Variants in AKR1C8 observed in about 807,000 individuals in gnomAD.
AKR1C8 encodes the protein aldo-keto reductase family 1 member C8, also known as aldo-keto reductase family 1 member C-like protein 1.
the AKR1C8 span, among the ~76,000 whole-genome samples, chr10:5,139,400 ATAC>A: frequency 2.6e-5 from 4 of 152,240 alleles, no homozygotes; most frequent in African/African-American, 9.6e-5. Flanking sequence ...ACTTCAAACT[ATAC>A]TACAAGGCTA....
chr10:5,128,323 A>G, the AKR1C8 span, among the ~76,000 whole-genome samples: 4 of 152,168 alleles, frequency 2.6e-5, no homozygotes, highest in African/African-American at 9.6e-5. Context: ...ACCACAATGG[A>G]ACCTCCTGAA....
At chr10:5,149,987 CAG>C in the AKR1C8 span, among the ~76,000 whole-genome samples, 4 of 152,128 alleles carry the variant, frequency 2.6e-5, no homozygotes, top group African/African-American at 4.8e-5. Context: ...AAAAACAAAA[CAG>C]AAAGAATCAG....
the AKR1C8 span, among the ~76,000 whole-genome samples, chr10:5,173,631 C>T: frequency 7.1e-6 from 1 of 140,806 alleles, no homozygotes; most frequent in Non-Finnish European, 1.6e-5. Flanking sequence ...AAAAGCCAGA[C>T]ATACTAACAA....
At chr10:5,146,917 G>C in the AKR1C8 span, among the ~76,000 whole-genome samples, 14 of 152,122 alleles carry the variant, frequency 9.2e-5, no homozygotes, top group African/African-American at 3.4e-4. Context: ...ACTGGTTCTA[G>C]GTGTGTAGAG....
chr10:5,144,262 T>G, the AKR1C8 span, among the ~76,000 whole-genome samples: 3 of 152,154 alleles, frequency 2.0e-5, no homozygotes, highest in Non-Finnish European at 4.4e-5. Flanking sequence ...TACCATGCTG[T>G]TTTGGTTACT....
the AKR1C8 span, among the ~76,000 whole-genome samples, chr10:5,177,703 C>T: frequency 6.6e-6 from 1 of 152,154 alleles, no homozygotes; most frequent in Non-Finnish European, 1.5e-5. Flanking sequence ...CTGGTTTAGT[C>T]TTGGGAGGGT....
chr10:5,181,185 A>G, the AKR1C8 span, among the ~76,000 whole-genome samples: 3 of 152,208 alleles, frequency 2.0e-5, no homozygotes, highest in Admixed American at 2.0e-4. Context: ...ATGTATAAAG[A>G]ATTATTAAAG....
At chr10:5,155,991 A>G in the AKR1C8 span, among the ~76,000 whole-genome samples, 1 of 152,168 alleles carries the variant, frequency 6.6e-6, no homozygotes, top group African/African-American at 2.4e-5. Context: ...TTCTCAAAAG[A>G]AAGGTGTGCA....
the AKR1C8 span, among the ~76,000 whole-genome samples, chr10:5,177,281 T>C: frequency 6.6e-6 from 1 of 152,000 alleles, no homozygotes; most frequent in Non-Finnish European, 1.5e-5. Context: ...GGATTACATT[T>C]ATTGATTTGC....
the AKR1C8 span, among the ~76,000 whole-genome samples, chr10:5,139,967 T>G: frequency 6.6e-5 from 10 of 151,464 alleles, no homozygotes; most frequent in Non-Finnish European, 1.0e-4. Context: ...TCAAACAACC[T>G]CATCAAAAAG....
chr10:5,158,561 A>G, the AKR1C8 span: 3 of 424,568 alleles, frequency 7.1e-6, no homozygotes, highest in Non-Finnish European at 1.5e-5. Context: ...GCATCAGCAG[A>G]ATTCCCGCCA....
the AKR1C8 span, among the ~76,000 whole-genome samples, chr10:5,117,688 G>A: frequency 6.6e-5 from 10 of 152,196 alleles, no homozygotes; most frequent in Non-Finnish European, 1.2e-4. Context: ...CCTTTGGTGA[G>A]GTCTTCAGGC....
At chr10:5,154,578 A>G in the AKR1C8 span, 2 of 160,614 alleles carry the variant, frequency 1.2e-5, no homozygotes, top group African/African-American at 4.8e-5. Flanking sequence ...TCACAGTCTC[A>G]TAAGGCAGAT....
At chr10:5,121,249 G>T in the AKR1C8 span, among the ~76,000 whole-genome samples, 1 of 152,024 alleles carries the variant, frequency 6.6e-6, no homozygotes, top group Non-Finnish European at 1.5e-5. Flanking sequence ...CGTCATGTTT[G>T]TGAACAAACC....
At chr10:5,179,489 G>C in the AKR1C8 span, among the ~76,000 whole-genome samples, 2 of 151,972 alleles carry the variant, frequency 1.3e-5, no homozygotes, top group Non-Finnish European at 2.9e-5. Context: ...GTACCTTTGT[G>C]GCATTCTCTG....
At chr10:5,138,840 A>G in the AKR1C8 span, among the ~76,000 whole-genome samples, 4 of 152,194 alleles carry the variant, frequency 2.6e-5, no homozygotes, top group African/African-American at 4.8e-5. Context: ...AATAAAGAGT[A>G]TTCAATTAGG....
chr10:5,164,073 A>G, the AKR1C8 span, among the ~76,000 whole-genome samples: 1 of 152,086 alleles, frequency 6.6e-6, no homozygotes, highest in South Asian at 2.1e-4. Context: ...TGAGCCTCTA[A>G]GAATCATCAC....
the AKR1C8 span, among the ~76,000 whole-genome samples, chr10:5,136,411 G>A: frequency 1.3e-5 from 2 of 151,302 alleles, no homozygotes; most frequent in African/African-American, 4.9e-5. Flanking sequence ...AGCCACGTGT[G>A]GTGGCAAATG....
At chr10:5,139,716 A>T in the AKR1C8 span, among the ~76,000 whole-genome samples, 1 of 152,188 alleles carries the variant, frequency 6.6e-6, no homozygotes, top group African/African-American at 2.4e-5. Context: ...AAACCTAGGC[A>T]ATACCATTCA....
Sources: gnomAD v4.1 joint callset for allele counts (sites outside exome capture counted in the v4.1 genomes callset) on GRCh38, gnomAD v4.1.1 for gene constraint, MANE v1.5 for transcripts, NCBI Gene and HGNC (gene_info 2026-07-23, HGNC 2026-07-21) for gene names.